The following NALF1 variants were observed in gnomAD, a reference collection of about 807,000 sequenced individuals.
The protein encoded by NALF1 is family with sequence similarity 155 member A.
Under a neutral mutation model 48.4 loss-of-function variants are expected in NALF1, and 3 were observed. The observed-to-expected ratio is 0.06, with a 90% confidence interval of 0.03 to 0.16. The LOEUF (loss-of-function observed/expected upper bound fraction) is 0.16. NALF1 is among the 10% of genes least tolerant of loss of function. The pLI, the probability that NALF1 is intolerant of heterozygous loss-of-function variation, is 1.00. For missense variants in NALF1, 526 were observed against 571.5 expected, an observed-to-expected ratio of 0.92 and a Z score of 0.81; for synonymous variants, 262 against 245.7, an observed-to-expected ratio of 1.07 and a Z score of -0.62.
chr13:107,861,564 C>T (rs921083831), intron 1 of NALF1, among the ~76,000 whole-genome samples: 1 of 152,222 alleles, frequency 6.6e-6, no homozygotes, highest in Non-Finnish European at 1.5e-5. Context: ...GCGGGCAGAT[C>T]ACGAGGTCAG....
intron 1 of NALF1, among the ~76,000 whole-genome samples, chr13:107,347,245 G>A (rs1011127144): frequency 2.0e-5 from 3 of 152,164 alleles, no homozygotes; most frequent in Non-Finnish European, 4.4e-5. Flanking sequence ...TGCCCCACCT[G>A]CCTTGGGGTC....
rs78691118 is a variant in NALF1 at position 107,629,280 on chromosome 13, A to C, written c.915+236402T>G. Among the ~76,000 whole-genome samples the C allele has an allele frequency of 2.9e-3, 443 of 152,284 alleles. 3 individuals carry two copies. Among genetic ancestry groups the C allele is most frequent in the African/African-American group, 0.01 (425 of 41,564 alleles). On this transcript the variant is annotated intron_variant, in intron 1 of 2. Transcript: ENST00000375915. Reference sequence around the variant, plus strand: ...ATATAGCAGTAATCACTAATACATCATTCTGTTCTCACCCACTGTACACAT... The same window carrying C: ...ATATAGCAGTAATCACTAATACATCCTTCTGTTCTCACCCACTGTACACAT...
rs1301813750 is a variant in NALF1 at position 107,422,660 on chromosome 13, A to C, written c.916-211905T>G. Among the ~76,000 whole-genome samples, 4 of 152,306 alleles carry C rather than the reference A, an allele frequency of 2.6e-5. No homozygotes were observed. The East Asian group carries it at 7.7e-4, about 29-fold the overall frequency. On this transcript the variant is annotated intron_variant, in intron 1 of 2. Coordinates refer to ENST00000375915, the MANE Select transcript of NALF1 (RefSeq NM_001080396.3). Reference sequence around the variant, plus strand: ...CCACTTCCTTATCTTTGATTCAAAAAACAGTTATCTCTAGAACCTGTGAAA... The same window carrying C: ...CCACTTCCTTATCTTTGATTCAAAACACAGTTATCTCTAGAACCTGTGAAA...
chr13:107,406,211 T>C (rs942412110), intron 1 of NALF1, among the ~76,000 whole-genome samples: 1 of 152,058 alleles, frequency 6.6e-6, no homozygotes, highest in Non-Finnish European at 1.5e-5. Context: ...TAAAATTACA[T>C]TGCCTTTGGA....
At chr13:107,619,614 A>G (rs1879470621) in intron 1 of NALF1, among the ~76,000 whole-genome samples, 1 of 152,206 alleles carries the variant, frequency 6.6e-6, no homozygotes, top group South Asian at 2.1e-4. Flanking sequence ...TCAAATTTGT[A>G]AAGACTGTAA....
At chr13:107,183,680 C>T (rs1365610410) in intron 2 of NALF1, among the ~76,000 whole-genome samples, 1 of 152,150 alleles carries the variant, frequency 6.6e-6, no homozygotes, top group African/African-American at 2.4e-5. Context: ...AGGATGAGTT[C>T]ATGTCCTTTG....
At chr13:107,709,106 T>C (rs1261772978) in intron 1 of NALF1, among the ~76,000 whole-genome samples, 2 of 152,230 alleles carry the variant, frequency 1.3e-5, no homozygotes, top group Non-Finnish European at 2.9e-5. Flanking sequence ...CTTTAGAGTA[T>C]TTGTTTCAGT....
chr13:107,505,553 G>A (rs1875670782), intron 1 of NALF1, among the ~76,000 whole-genome samples: 1 of 152,166 alleles, frequency 6.6e-6, no homozygotes. Flanking sequence ...GGTGGGGAGT[G>A]AAAGAAAGAG....
At chr13:107,429,178 C>G (rs370649160) in intron 1 of NALF1, among the ~76,000 whole-genome samples, 1 of 151,792 alleles carries the variant, frequency 6.6e-6, no homozygotes, top group Non-Finnish European at 1.5e-5. Context: ...TAAAATTAGC[C>G]GGGCGTGGTT....
chr13:107,487,889 G>A (rs1042340066), intron 1 of NALF1, among the ~76,000 whole-genome samples: 1 of 151,712 alleles, frequency 6.6e-6, no homozygotes, highest in Non-Finnish European at 1.5e-5. Context: ...GAATTCAGCT[G>A]TGAATTTGTC....
chr13:107,777,138 A>AT, intron 1 of NALF1, among the ~76,000 whole-genome samples: 1 of 152,278 alleles, frequency 6.6e-6, no homozygotes, highest in Middle Eastern at 3.4e-3. Flanking sequence ...TGATATTTCT[A>AT]TATCTGGCAA....
At chr13:107,586,578 T>C (rs568055303) in intron 1 of NALF1, among the ~76,000 whole-genome samples, 221 of 149,820 alleles carry the variant, frequency 1.5e-3, no homozygotes, top group African/African-American at 5.1e-3. Flanking sequence ...AGGAATATAT[T>C]TTCAAAAAGT....
intron 1 of NALF1, among the ~76,000 whole-genome samples, chr13:107,813,921 G>C (rs1566492311): frequency 6.6e-6 from 1 of 152,064 alleles, no homozygotes; most frequent in African/African-American, 2.4e-5. Flanking sequence ...ATTCTAGTTG[G>C]ATTTTAGATA....
At chr13:107,685,501 T>C (rs949037761) in intron 1 of NALF1, among the ~76,000 whole-genome samples, 5 of 152,180 alleles carry the variant, frequency 3.3e-5, no homozygotes, top group Admixed American at 1.3e-4. Flanking sequence ...AAAAATTATA[T>C]AGTAATGAAT....
chr13:107,244,237 C>T (rs72666507), intron 1 of NALF1, among the ~76,000 whole-genome samples: 21,336 of 152,120 alleles, frequency 0.14, 1,965 homozygotes, highest in East Asian at 0.41. Context: ...TAGGAATTGC[C>T]ATAGCGATTT....
intron 1 of NALF1, among the ~76,000 whole-genome samples, chr13:107,501,667 T>C (rs1875529071): frequency 6.6e-6 from 1 of 152,176 alleles, no homozygotes; most frequent in Non-Finnish European, 1.5e-5. Context: ...TGAATGTGTA[T>C]GGTTTAAGAA....
At chr13:107,484,634 C>T (rs553103174) in intron 1 of NALF1, among the ~76,000 whole-genome samples, 2 of 152,222 alleles carry the variant, frequency 1.3e-5, no homozygotes, top group South Asian at 4.1e-4. Context: ...GTCCCCAATT[C>T]CTTGGTAGCT....
rs181915241 is a variant in NALF1 at position 107,678,748 on chromosome 13, G to A, written c.915+186934C>T. The stretch of plus-strand genomic sequence containing the variant: ...CAACGGGGCAGGAAGGAGAAATGCT[G>A]AGTGAATAGGGAAGAGCCCCTTATA... On this transcript the variant is annotated intron_variant, in intron 1 of 2. Coordinates refer to ENST00000375915, the MANE Select transcript of NALF1 (RefSeq NM_001080396.3). Among the ~76,000 whole-genome samples, 1,072 of 152,282 alleles carry A rather than the reference G, an allele frequency of 7.0e-3. 10 individuals carry two copies. The highest frequency in any genetic ancestry group is 0.024 in the African/African-American group (1,004 of 41,568).
chr13:107,507,947 T>A (rs1456547382), intron 1 of NALF1, among the ~76,000 whole-genome samples: 2 of 152,278 alleles, frequency 1.3e-5, no homozygotes, highest in East Asian at 3.9e-4. Flanking sequence ...CACACACTCT[T>A]GCTAGCCCTT....
Sources: gnomAD v4.1 joint callset for allele counts (sites outside exome capture counted in the v4.1 genomes callset) on GRCh38, gnomAD v4.1.1 for gene constraint, MANE v1.5 for transcripts, NCBI Gene and HGNC (gene_info 2026-07-23, HGNC 2026-07-21) for gene names.